CADPS: variants seen among roughly 807,000 people sequenced by gnomAD.
CADPS encodes calcium-dependent secretion activator 1.
Under a neutral mutation model 167.3 loss-of-function variants are expected in CADPS, and 57 were observed. The ratio of observed to expected loss-of-function variants is 0.34; its 90% CI spans 0.28 to 0.42. CADPS has a LOEUF of 0.42. Among genes scored for constraint, CADPS ranks in the 20% least tolerant of loss-of-function variants. The probability of loss-of-function intolerance (pLI) is 1.00; values close to 1 mark genes in which losing one functional copy is unlikely to be tolerated. For missense variants in CADPS, 1,414 were observed against 1,738.1 expected, an observed-to-expected ratio of 0.81 and a Z score of 3.32; for synonymous variants, 676 against 635.3, an observed-to-expected ratio of 1.06 and a Z score of -0.96.
intron 13 of CADPS, among the ~76,000 whole-genome samples, chr3:62,523,572 T>C (rs1044793062): frequency 2.0e-5 from 3 of 152,196 alleles, no homozygotes; most frequent in Non-Finnish European, 4.4e-5. Flanking sequence ...GTAAGATGTC[T>C]CTTCAAGAGG....
chr3:62,690,894 T>C (rs2078985254), intron 3 of CADPS, among the ~76,000 whole-genome samples: 2 of 152,038 alleles, frequency 1.3e-5, no homozygotes, highest in Admixed American at 1.3e-4. Flanking sequence ...CATAGCAGCT[T>C]TATTTGTAAT....
intron 11 of CADPS, among the ~76,000 whole-genome samples, chr3:62,546,606 C>G (rs925948683): frequency 1.3e-5 from 2 of 152,144 alleles, no homozygotes; most frequent in African/African-American, 4.8e-5. Context: ...GGTTCTGCAT[C>G]CATGGATTCA....
intron 6 of CADPS, among the ~76,000 whole-genome samples, chr3:62,619,697 T>C (rs534424391): frequency 6.6e-6 from 1 of 152,288 alleles, no homozygotes; most frequent in South Asian, 2.1e-4. Context: ...CCTCAGTATG[T>C]CCCATCCGCC....
At chr3:62,503,862 C>T (rs947637882) in intron 17 of CADPS, among the ~76,000 whole-genome samples, 1 of 152,166 alleles carries the variant, frequency 6.6e-6, no homozygotes, top group Non-Finnish European at 1.5e-5. Context: ...CTGCAATTCT[C>T]TCTCTTTAAT....
At chr3:62,590,291 C>T (rs1453588377) in intron 7 of CADPS, among the ~76,000 whole-genome samples, 1 of 151,996 alleles carries the variant, frequency 6.6e-6, no homozygotes, top group Non-Finnish European at 1.5e-5. Flanking sequence ...TACACTTGTT[C>T]CTTCTAACAC....
At chr3:62,405,943 G>A (rs559598797) in intron 28 of CADPS, among the ~76,000 whole-genome samples, 201 of 152,310 alleles carry the variant, frequency 1.3e-3, no homozygotes, top group African/African-American at 4.6e-3. Flanking sequence ...AAATGTTAGA[G>A]GTACAGGGGA....
chr3:62,850,632 TGA>T (rs2078361586), intron 1 of CADPS, among the ~76,000 whole-genome samples: 1 of 149,766 alleles, frequency 6.7e-6, no homozygotes, highest in African/African-American at 2.5e-5. Flanking sequence ...CACTGTGGTC[TGA>T]GAGATAGTTT....
rs757620782 is a variant in CADPS, at chr3:62,438,140, C to T, written c.3741G>A (p.Lys1247=). The change falls in exon 28 of 30, where the codon AAG becomes AAA. Residue 1247 remains lysine, a synonymous_variant. Coordinates refer to ENST00000383710, the MANE Select transcript of CADPS (RefSeq NM_003716.4). This position sits in a 1 kb window ranked among gnomAD's most constrained non-coding sequence, Gnocchi z 4.7. ...VRHSQDVLRD[K]VNEEMYIERL... is the part of the protein sequence containing the mutation. ...TTTCTATGTACATCTCCTCATTGACCTTATCACGCAGGACATCCTGAGAAT... is the reference window on the plus strand; with the variant it reads ...TTTCTATGTACATCTCCTCATTGACTTTATCACGCAGGACATCCTGAGAAT... The T allele has an allele frequency of 1.2e-6, 2 of 1,613,636 alleles. No individual in the cohort carries two copies. Among genetic ancestry groups the T allele is most frequent in the Admixed American group, 1.7e-5 (1 of 60,008 alleles).
chr3:62,660,956 G>C (rs988004623), intron 4 of CADPS, among the ~76,000 whole-genome samples: 9 of 152,218 alleles, frequency 5.9e-5, no homozygotes, highest in African/African-American at 1.9e-4. Flanking sequence ...TGCCCAGCAG[G>C]TTCAACCTGG....
At position 62,465,516 on chromosome 3, in the gene CADPS, C is replaced by A; in HGVS notation, c.3553-66G>T. ...TATAATTGTTCACCATAAAGCACAT[C>A]ATTTCCCCACCACATAAAGGCTGGG... On this transcript the variant is annotated intron_variant, in intron 25 of 29. Transcript: ENST00000383710. The surrounding 1 kb of genome is among the most constrained non-coding windows in gnomAD (Gnocchi z 4.1). 1.8e-6 allele frequency: 2 copies of A among 1,081,648 alleles called. No individual in the cohort carries two copies. The highest frequency in any genetic ancestry group is 2.7e-6 in the Non-Finnish European group (2 of 732,270). 67.0% of individuals were successfully genotyped at this position (1,081,648 alleles called of 1,614,324 possible). A position where few individuals can be genotyped will look rare whatever the true frequency, so the allele number is the denominator to read the frequency against.
chr3:62,536,928 C>T (rs889963182), intron 11 of CADPS, among the ~76,000 whole-genome samples: 2 of 152,100 alleles, frequency 1.3e-5, no homozygotes, highest in South Asian at 4.1e-4. Context: ...CTTAAGATAG[C>T]CTATTTAGCT....
At chr3:62,672,674 A>C (rs116544066) in intron 3 of CADPS, among the ~76,000 whole-genome samples, 1,850 of 152,186 alleles carry the variant, frequency 0.012, 12 homozygotes, top group Middle Eastern at 0.02. Context: ...TCTAGGCTGG[A>C]ATGCAATGTT....
intron 3 of CADPS, among the ~76,000 whole-genome samples, chr3:62,680,343 G>A (rs1264137369): frequency 6.6e-6 from 1 of 152,066 alleles, no homozygotes; most frequent in East Asian, 1.9e-4. Context: ...AAACCATACA[G>A]ATGAAGTGAA....
rs371671932 is a variant in CADPS, at chr3:62,808,267, T to G, written c.442-42283A>C. 2.6e-5 allele frequency among the ~76,000 whole-genome samples: 4 copies of G among 152,118 alleles called. No homozygotes were observed. In the South Asian group the frequency reaches 8.3e-4, roughly 32 times the overall value. On this transcript the variant is annotated intron_variant, in intron 1 of 29. Transcript: ENST00000383710. ...AAAAATAATAAAAGATTGCTAGCCT[T>G]ATGAGAAAACTGAGGTACAAGATTT...
intron 9 of CADPS, among the ~76,000 whole-genome samples, chr3:62,561,599 A>C (rs2079182391): frequency 6.6e-6 from 1 of 152,020 alleles, no homozygotes; most frequent in South Asian, 2.1e-4. Context: ...TTAAAATCTG[A>C]GAACCACGGT....
At chr3:62,817,075 G>A (rs2094652234) in intron 1 of CADPS, among the ~76,000 whole-genome samples, 1 of 152,080 alleles carries the variant, frequency 6.6e-6, no homozygotes, top group African/African-American at 2.4e-5. Context: ...GAGGTTACCT[G>A]GAGTCTCTAA....
At chr3:62,773,099 C>T (rs1346438940) in intron 1 of CADPS, among the ~76,000 whole-genome samples, 1 of 151,856 alleles carries the variant, frequency 6.6e-6, no homozygotes, top group Non-Finnish European at 1.5e-5. Context: ...ATCAGCTAAT[C>T]TAGAGAGATT....
intron 2 of CADPS, among the ~76,000 whole-genome samples, chr3:62,758,151 A>G (rs910600690): frequency 6.6e-6 from 1 of 152,236 alleles, no homozygotes; most frequent in Non-Finnish European, 1.5e-5. Context: ...CTGAATTACC[A>G]GTGGAAGACA....
At chr3:62,868,356 G>A (rs1033600446) in intron 1 of CADPS, among the ~76,000 whole-genome samples, 2 of 152,014 alleles carry the variant, frequency 1.3e-5, no homozygotes, top group Non-Finnish European at 2.9e-5. Flanking sequence ...TGGTGGATGG[G>A]TATCTTGGAC....
Sources: gnomAD v4.1 joint callset for allele counts (sites outside exome capture counted in the v4.1 genomes callset) on GRCh38, gnomAD v4.1.1 for gene constraint, Gnocchi (gnomAD v3.1) non-coding constraint, MANE v1.5 for transcripts, NCBI Gene and HGNC (gene_info 2026-07-23, HGNC 2026-07-21) for gene names.